The following CHCHD6 variants were observed in gnomAD, a reference collection of about 807,000 sequenced individuals.
CHCHD6 encodes the protein MICOS complex subunit MIC25.
Under a neutral mutation model 32.3 loss-of-function variants are expected in CHCHD6, and 28 were observed. The observed-to-expected ratio is 0.87, with a 90% CI of 0.64 to 1.19. The LOEUF is 1.19. CHCHD6 is among the 50% of genes most tolerant of loss of function. The pLI, the probability that CHCHD6 is intolerant of heterozygous loss-of-function variation, is 0.00. For synonymous variants in CHCHD6, 122 were observed against 117.5 expected (o/e 1.04, Z -0.25); for missense variants, 333 against 307.0 (o/e 1.08, Z -0.63).
chr3:126,723,390 G>C (rs1389288660), intron 1 of CHCHD6, among the ~76,000 whole-genome samples: 1 of 152,142 alleles, frequency 6.6e-6, no homozygotes, highest in Non-Finnish European at 1.5e-5. Context: ...CAGTTTTGTA[G>C]ATTTCTCCTT....
chr3:126,859,477 G>T (rs977048956), intron 5 of CHCHD6, among the ~76,000 whole-genome samples: 1 of 152,224 alleles, frequency 6.6e-6, no homozygotes, highest in African/African-American at 2.4e-5. Flanking sequence ...AGGCTTGCAC[G>T]TATGAGGCAG....
At chr3:126,794,161 A>C (rs553860109) in intron 4 of CHCHD6, among the ~76,000 whole-genome samples, 1 of 152,016 alleles carries the variant, frequency 6.6e-6, no homozygotes, top group South Asian at 2.1e-4. Flanking sequence ...ATTTTCAATC[A>C]TTATTTCTGC....
At chr3:126,738,734 C>A (rs1318685053) in intron 4 of CHCHD6, among the ~76,000 whole-genome samples, 3 of 152,160 alleles carry the variant, frequency 2.0e-5, no homozygotes, top group African/African-American at 7.2e-5. Context: ...AAGCAAGCAC[C>A]CATCACAGCC....
intron 4 of CHCHD6, among the ~76,000 whole-genome samples, chr3:126,785,910 G>A (rs912140759): frequency 1.3e-5 from 2 of 152,126 alleles, no homozygotes; most frequent in Admixed American, 1.3e-4. Flanking sequence ...CATGTGCCAT[G>A]TTGGTGTGCT....
intron 4 of CHCHD6, chr3:126,780,326 T>C: frequency 2.3e-6 from 1 of 430,322 alleles, no homozygotes; most frequent in Non-Finnish European, 4.6e-6. Flanking sequence ...ATTTGTGGTT[T>C]TATTTTTGAA....
chr3:126,742,292 A>T (rs1576361545), intron 4 of CHCHD6, among the ~76,000 whole-genome samples: 1 of 152,126 alleles, frequency 6.6e-6, no homozygotes, highest in Non-Finnish European at 1.5e-5. Flanking sequence ...AGCGAAAGAA[A>T]CCTTCTCAAG....
chr3:126,867,801 C>T (rs1942337875), intron 5 of CHCHD6, among the ~76,000 whole-genome samples: 1 of 152,188 alleles, frequency 6.6e-6, no homozygotes, highest in African/African-American at 2.4e-5. Flanking sequence ...CTGTCTCTGT[C>T]CTCCCTCCAT....
chr3:126,808,651 T>G (rs151210569), intron 4 of CHCHD6, among the ~76,000 whole-genome samples: 24 of 152,280 alleles, frequency 1.6e-4, no homozygotes, highest in Non-Finnish European at 3.1e-4. Flanking sequence ...TTGGCATTAT[T>G]AACTGAAGAA....
chr3:126,797,618 A>G (rs1289532240), intron 4 of CHCHD6, among the ~76,000 whole-genome samples: 3 of 152,168 alleles, frequency 2.0e-5, no homozygotes, highest in Non-Finnish European at 4.4e-5. Context: ...GTAGTGACAC[A>G]TGCTTTAAAA....
intron 1 of CHCHD6, among the ~76,000 whole-genome samples, chr3:126,717,456 C>G (rs1935073948): frequency 6.6e-6 from 1 of 152,126 alleles, no homozygotes; most frequent in South Asian, 2.1e-4. Context: ...GGCCATGTGA[C>G]TTACTCGTAG....
intron 4 of CHCHD6, among the ~76,000 whole-genome samples, chr3:126,827,244 C>G (rs1367844897): frequency 1.3e-5 from 2 of 152,168 alleles, no homozygotes; most frequent in Non-Finnish European, 2.9e-5. Flanking sequence ...AAGGAAATGA[C>G]ACAATCAGAT....
At chr3:126,768,868 C>T (rs952080032) in intron 4 of CHCHD6, among the ~76,000 whole-genome samples, 2 of 152,008 alleles carry the variant, frequency 1.3e-5, no homozygotes, top group Non-Finnish European at 2.9e-5. Context: ...ATGTCCTTTG[C>T]CCACTTCTTA....
At chr3:126,946,427 C>T (rs1014068688) in intron 6 of CHCHD6, among the ~76,000 whole-genome samples, 16 of 152,210 alleles carry the variant, frequency 1.1e-4, no homozygotes, top group African/African-American at 1.2e-4. Context: ...TCCTGTCACA[C>T]GCAGCCTCTG....
At chr3:126,709,780 A>G (rs1229446544) in intron 1 of CHCHD6, among the ~76,000 whole-genome samples, 1 of 152,008 alleles carries the variant, frequency 6.6e-6, no homozygotes, top group Non-Finnish European at 1.5e-5. Flanking sequence ...CTATCCTTAT[A>G]TTTTCTTTGG....
At chr3:126,805,905 A>G (rs1939349364) in intron 4 of CHCHD6, among the ~76,000 whole-genome samples, 3 of 152,228 alleles carry the variant, frequency 2.0e-5, no homozygotes, top group Admixed American at 2.0e-4. Flanking sequence ...CCACATATCT[A>G]CAACTATTGA....
chr3:126,937,182 G>C (rs2078492568), intron 6 of CHCHD6, among the ~76,000 whole-genome samples: 1 of 152,212 alleles, frequency 6.6e-6, no homozygotes. Flanking sequence ...TAGTCAAGTA[G>C]GGACCTAAAT....
At chr3:126,708,364 A>C (rs1018543439) in intron 1 of CHCHD6, among the ~76,000 whole-genome samples, 2 of 152,184 alleles carry the variant, frequency 1.3e-5, no homozygotes, top group African/African-American at 4.8e-5. Flanking sequence ...CAAGGAGGGT[A>C]GGATGCTTGA....
chr3:126,734,721 A>G (rs1344223752), intron 4 of CHCHD6, among the ~76,000 whole-genome samples: 1 of 152,232 alleles, frequency 6.6e-6, no homozygotes, highest in Non-Finnish European at 1.5e-5. Flanking sequence ...CTGGTGGATC[A>G]GAGCTGGTAG....
intron 5 of CHCHD6, among the ~76,000 whole-genome samples, chr3:126,869,682 A>G (rs1378535883): frequency 6.6e-6 from 1 of 152,080 alleles, no homozygotes; most frequent in Non-Finnish European, 1.5e-5. Flanking sequence ...ATTAACTTCT[A>G]ATTATTTATT....
Sources: gnomAD v4.1 joint callset for allele counts (sites outside exome capture counted in the v4.1 genomes callset) on GRCh38, gnomAD v4.1.1 for gene constraint, MANE v1.5 for transcripts, NCBI Gene and HGNC (gene_info 2026-07-23, HGNC 2026-07-21) for gene names.